The following AUTS2 variants were observed in gnomAD, a reference collection of about 807,000 sequenced individuals.
AUTS2 encodes the protein activator of transcription and developmental regulator AUTS2, also known as autism susceptibility gene 2 protein.
Under a neutral mutation model 112.4 loss-of-function variants are expected in AUTS2, and 17 were observed. The observed-to-expected ratio is 0.15, with a 90% CI of 0.10 to 0.23. The LOEUF is 0.23. AUTS2 is among the 10% of genes least tolerant of loss of function. AUTS2 has a pLI of 1.00. For synonymous variants in AUTS2, 751 were observed against 702.7 expected (o/e 1.07, Z -1.09); for missense variants, 1,510 against 1,701.6 (o/e 0.89, Z 1.98).
In AUTS2 at chr7:70,427,192, C is replaced by T. The variant is rs533600823; in HGVS notation, c.661-8560C>T. On this transcript the variant is annotated intron_variant, in intron 4 of 18. Transcript: ENST00000342771. ...TTTGTAATAGGTCCCCAGGCAAGTA[C>T]GGATTAATGCTATTGATGACTTAGA... Among the ~76,000 whole-genome samples, 39 of 152,302 alleles carry T rather than the reference C, an allele frequency of 2.6e-4. 1 individual carries two copies. The South Asian group carries it at 8.1e-3, about 32-fold the overall frequency.
At chr7:69,827,420 A>G (rs1791298329) in intron 1 of AUTS2, among the ~76,000 whole-genome samples, 1 of 152,004 alleles carries the variant, frequency 6.6e-6, no homozygotes, top group African/African-American at 2.4e-5. Flanking sequence ...ATGGATTGTA[A>G]CCGTGATAGA....
intron 2 of AUTS2, among the ~76,000 whole-genome samples, chr7:70,045,960 A>T (rs1584631895): frequency 6.6e-6 from 1 of 151,992 alleles, no homozygotes; most frequent in African/African-American, 2.4e-5. Flanking sequence ...GTGCTGTTTT[A>T]AAGTTCTGTT....
chr7:70,271,463 G>A (rs528174625), intron 4 of AUTS2, among the ~76,000 whole-genome samples: 2 of 151,896 alleles, frequency 1.3e-5, no homozygotes, highest in South Asian at 4.2e-4. Flanking sequence ...TTGTTTCTGG[G>A]GGTATTATTA....
chr7:70,335,862 A>G (rs1790965562), intron 4 of AUTS2, among the ~76,000 whole-genome samples: 1 of 152,228 alleles, frequency 6.6e-6, no homozygotes, highest in Admixed American at 6.5e-5. Flanking sequence ...CCAATTGTGC[A>G]TGACATAGTG....
chr7:69,760,360 T>C (rs1450949323), intron 1 of AUTS2, among the ~76,000 whole-genome samples: 1 of 151,772 alleles, frequency 6.6e-6, no homozygotes, highest in Non-Finnish European at 1.5e-5. Flanking sequence ...TTTTTTAAAA[T>C]GAAGATTTTT....
intron 6 of AUTS2, among the ~76,000 whole-genome samples, chr7:70,736,753 G>A (rs1011950018): frequency 5.3e-5 from 8 of 152,252 alleles, no homozygotes; most frequent in East Asian, 3.9e-4. Context: ...TCCTAACGCC[G>A]GCTTATCAGA....
intron 4 of AUTS2, among the ~76,000 whole-genome samples, chr7:70,248,846 G>C (rs1813065163): frequency 1.3e-5 from 2 of 152,074 alleles, no homozygotes; most frequent in South Asian, 4.1e-4. Flanking sequence ...CCATCAGTTT[G>C]TTATCATTTA....
At chr7:70,309,925 C>G (rs925404700) in intron 4 of AUTS2, among the ~76,000 whole-genome samples, 1 of 152,098 alleles carries the variant, frequency 6.6e-6, no homozygotes, top group African/African-American at 2.4e-5. Flanking sequence ...GAAAAAGCTC[C>G]AAGGCAAATC....
At chr7:69,909,888 T>G (rs527794847) in intron 2 of AUTS2, among the ~76,000 whole-genome samples, 1 of 152,300 alleles carries the variant, frequency 6.6e-6, no homozygotes, top group Non-Finnish European at 1.5e-5. Flanking sequence ...CTAATGAAAT[T>G]ATCATATGAG....
intron 1 of AUTS2, among the ~76,000 whole-genome samples, chr7:69,628,174 A>G (rs1210933878): frequency 1.3e-5 from 2 of 152,198 alleles, no homozygotes; most frequent in East Asian, 3.9e-4. Context: ...GAGATGGTTT[A>G]TGCATATTCT....
At chr7:70,612,849 G>T (rs1804165996) in intron 5 of AUTS2, among the ~76,000 whole-genome samples, 1 of 151,906 alleles carries the variant, frequency 6.6e-6, no homozygotes, top group African/African-American at 2.4e-5. Context: ...GGAACAGATT[G>T]CTTAGACCCT....
rs141837212 is a variant in AUTS2, at chr7:69,706,968, T to C, written c.309+107006T>C. On this transcript the variant is annotated intron_variant, in intron 1 of 18. Coordinates refer to ENST00000342771, the MANE Select transcript of AUTS2 (RefSeq NM_015570.4). ...GTTCCCAGGAAACCAACGTAAAAAG[T>C]ACTTGGAGGTCAGGTCTGGAGCCTT... Among the ~76,000 whole-genome samples, 222 of 152,340 alleles carry C rather than the reference T, an allele frequency of 1.5e-3. 1 individual carries two copies. The highest frequency in any genetic ancestry group is 4.5e-3 in the African/African-American group (186 of 41,580).
intron 1 of AUTS2, among the ~76,000 whole-genome samples, chr7:69,796,076 C>T (rs536905549): frequency 1.8e-4 from 28 of 152,296 alleles, no homozygotes; most frequent in Non-Finnish European, 5.9e-5. Flanking sequence ...GGTGGGCTGA[C>T]GATAGCCTCT....
At chr7:70,724,763 T>C (rs1585576061) in intron 6 of AUTS2, among the ~76,000 whole-genome samples, 1 of 152,316 alleles carries the variant, frequency 6.6e-6, no homozygotes, top group African/African-American at 2.4e-5. Context: ...ACATTCTTTA[T>C]GTGTAAGGTG....
Position 69,978,898 on chromosome 7 carries a change from A to ACG in AUTS2, c.522+79401_522+79402insGC, listed in dbSNP as rs1293542126. ...CACACACACACACACACACACACAC[A>ACG]CACGCACACACGCACACACACACGC... On this transcript the variant is annotated intron_variant, in intron 2 of 18. Transcript: ENST00000342771. Among the ~76,000 whole-genome samples, 18 of 141,746 alleles carry ACG rather than the reference A, an allele frequency of 1.3e-4. 1 individual carries two copies. Among genetic ancestry groups the ACG allele is most frequent in the African/African-American group, 3.9e-4 (15 of 38,868 alleles). The allele number at this position is 141,746 out of a possible 152,430, so 93.0% of individuals were successfully genotyped here.
intron 2 of AUTS2, among the ~76,000 whole-genome samples, chr7:69,982,678 A>G (rs550683392): frequency 2.0e-5 from 3 of 152,352 alleles, no homozygotes; most frequent in Admixed American, 2.0e-4. Context: ...CCAGTGACAA[A>G]GCATTGGTCC....
chr7:70,156,776 G>C (rs1014101632), intron 4 of AUTS2, among the ~76,000 whole-genome samples: 1 of 151,368 alleles, frequency 6.6e-6, no homozygotes. Context: ...AAGGCCTGGC[G>C]TGGTGGCTCA....
In AUTS2 at chr7:70,789,665, C is replaced by T. The variant is rs1170857808; in HGVS notation, c.2532-83C>T. The T allele has an allele frequency of 8.0e-6, 12 of 1,497,974 alleles. No individual in the cohort carries two copies. In the East Asian group the frequency reaches 2.7e-4, roughly 34 times the overall value. 92.8% of individuals were successfully genotyped at this position (1,497,974 alleles called of 1,614,324 possible). On this transcript the variant is annotated intron_variant, in intron 18 of 18. Transcript: ENST00000342771. ...AGCCCCCAGCCTGTCCTCTTCACAC[C>T]ACCATTTCACCCGCAGCCCCTGGCC...
At chr7:70,479,854 A>G (rs1022218825) in intron 5 of AUTS2, among the ~76,000 whole-genome samples, 11 of 152,244 alleles carry the variant, frequency 7.2e-5, no homozygotes, top group Admixed American at 2.6e-4. Context: ...CCCAGGGCCC[A>G]GAGAAACCAA....
Sources: gnomAD v4.1 joint callset for allele counts (sites outside exome capture counted in the v4.1 genomes callset) on GRCh38, gnomAD v4.1.1 for gene constraint, MANE v1.5 for transcripts, NCBI Gene and HGNC (gene_info 2026-07-23, HGNC 2026-07-21) for gene names.